Variants in RBFOX1 observed in about 807,000 individuals in gnomAD.
RBFOX1 encodes RNA binding protein fox-1 homolog 1.
In RBFOX1, 8 loss-of-function variants were observed where a neutral mutation model predicts 57.7. The ratio of observed to expected loss-of-function variants is 0.14; its 90% confidence interval spans 0.08 to 0.25. The LOEUF is 0.25. Ranked by LOEUF, RBFOX1 falls within the 10% of genes least tolerant of loss-of-function variation. The probability of loss-of-function intolerance (pLI) is 1.00; values close to 1 mark genes in which losing one functional copy is unlikely to be tolerated. For synonymous variants in RBFOX1, 326 were observed against 222.4 expected (o/e 1.47, Z -4.15); for missense variants, 611 against 548.5 (o/e 1.11, Z -1.14).
chr16:7,596,446 G>A (rs962755896), intron 8 of RBFOX1, among the ~76,000 whole-genome samples: 2 of 151,404 alleles, frequency 1.3e-5, no homozygotes, highest in Non-Finnish European at 2.9e-5. Flanking sequence ...TTTCCCCTTC[G>A]ACGATAACGC....
chr16:7,098,053 T>A (rs1187648323), intron 4 of RBFOX1, among the ~76,000 whole-genome samples: 1 of 152,202 alleles, frequency 6.6e-6, no homozygotes, highest in African/African-American at 2.4e-5. Flanking sequence ...AAAGCCAGTG[T>A]TGTCAATATG....
rs559376321 is a variant in RBFOX1, at chr16:7,711,025, A to C, written c.*280A>C. 74 of 306,984 alleles carry C rather than the reference A, an allele frequency of 2.4e-4. No individual in the cohort carries two copies. Among genetic ancestry groups the C allele is most frequent in the African/African-American group, 1.4e-3 (67 of 46,540 alleles). 19.0% of individuals were successfully genotyped at this position (306,984 alleles called of 1,614,324 possible). A position where few individuals can be genotyped will look rare whatever the true frequency, so the allele number is the denominator to read the frequency against. ...AGACAGATGCTAGATAATGAATAAA[A>C]ACTGGTTTAGGGCCATATCCAGAGT... On this transcript the variant is annotated 3_prime_UTR_variant, in exon 16 of 16. Coordinates refer to ENST00000550418, the MANE Select transcript of RBFOX1 (RefSeq NM_018723.4).
At chr16:5,813,341 C>A (rs2055503528) in intron 3 of RBFOX1, among the ~76,000 whole-genome samples, 1 of 152,154 alleles carries the variant, frequency 6.6e-6, no homozygotes, top group Admixed American at 6.5e-5. Context: ...CATTATGGTT[C>A]CAGAACTTTT....
chr16:5,519,483 G>A (rs551532005), intron 2 of RBFOX1, among the ~76,000 whole-genome samples: 1 of 152,266 alleles, frequency 6.6e-6, no homozygotes, highest in Non-Finnish European at 1.5e-5. Flanking sequence ...CAGTGCTCTG[G>A]GAAGCTGAGA....
At chr16:6,104,688 C>G (rs1053511245) in intron 1 of RBFOX1, among the ~76,000 whole-genome samples, 8 of 152,156 alleles carry the variant, frequency 5.3e-5, no homozygotes, top group African/African-American at 1.9e-4. Flanking sequence ...GTCAACAAAA[C>G]TTGCTATATT....
intron 4 of RBFOX1, among the ~76,000 whole-genome samples, chr16:7,393,024 C>A (rs191740454): frequency 1.3e-5 from 2 of 152,122 alleles, no homozygotes; most frequent in African/African-American, 4.8e-5. Context: ...CAGGCCCATG[C>A]CACCACACCT....
chr16:5,634,286 C>A (rs1049274475), intron 3 of RBFOX1, among the ~76,000 whole-genome samples: 1 of 152,196 alleles, frequency 6.6e-6, no homozygotes, highest in Non-Finnish European at 1.5e-5. Context: ...AATCATTTGA[C>A]TATTTATTTT....
At chr16:7,451,018 C>G (rs67788121) in intron 4 of RBFOX1, among the ~76,000 whole-genome samples, 59,214 of 151,972 alleles carry the variant, frequency 0.39, 12,010 homozygotes, top group Non-Finnish European at 0.45. Flanking sequence ...ACCTGGGCTT[C>G]GCTTCTGAGT....
intron 3 of RBFOX1, among the ~76,000 whole-genome samples, chr16:6,718,229 A>G (rs1418794812): frequency 1.3e-5 from 2 of 152,198 alleles, no homozygotes. Flanking sequence ...TAATGTTTAT[A>G]TATTGGTCTT....
At chr16:7,492,952 C>T (rs564945074) in intron 4 of RBFOX1, among the ~76,000 whole-genome samples, 13 of 152,142 alleles carry the variant, frequency 8.5e-5, no homozygotes, top group East Asian at 7.7e-4. Context: ...GATCTCAGCT[C>T]ACTGCAACCT....
chr16:5,899,796 C>A (rs146504282), intron 4 of RBFOX1, among the ~76,000 whole-genome samples: 8 of 152,254 alleles, frequency 5.3e-5, no homozygotes, highest in African/African-American at 1.9e-4. Flanking sequence ...TTTGATGGCC[C>A]GGCATGGTGG....
intron 2 of RBFOX1, among the ~76,000 whole-genome samples, chr16:6,442,944 A>C (rs1237640905): frequency 6.6e-6 from 1 of 152,180 alleles, no homozygotes. Context: ...ACTTAATAAA[A>C]ATGTATCTTT....
intron 1 of RBFOX1, among the ~76,000 whole-genome samples, chr16:5,345,414 T>G (rs933179508): frequency 1.3e-5 from 2 of 152,190 alleles, no homozygotes; most frequent in African/African-American, 4.8e-5. Flanking sequence ...CCCTCGTGCA[T>G]GCCCACCCAT....
intron 3 of RBFOX1, among the ~76,000 whole-genome samples, chr16:6,772,471 G>C (rs1452219466): frequency 2.6e-5 from 4 of 151,328 alleles, no homozygotes; most frequent in Non-Finnish European, 4.4e-5. Context: ...GGGTGCATTT[G>C]TATGTGTATG....
intron 4 of RBFOX1, among the ~76,000 whole-genome samples, chr16:7,325,027 AG>A (rs2143550987): frequency 6.6e-6 from 1 of 152,326 alleles, no homozygotes; most frequent in East Asian, 1.9e-4. Context: ...CTCTTCAACA[AG>A]AAGGCACTTC....
chr16:6,288,988 G>C (rs1179739972), intron 1 of RBFOX1, among the ~76,000 whole-genome samples: 1 of 152,146 alleles, frequency 6.6e-6, no homozygotes, highest in Non-Finnish European at 1.5e-5. Context: ...GGTGTGAGAA[G>C]AGTAAGCAGG....
At chr16:7,450,492 G>A (rs775199429) in intron 4 of RBFOX1, among the ~76,000 whole-genome samples, 3 of 151,306 alleles carry the variant, frequency 2.0e-5, no homozygotes, top group Admixed American at 6.6e-5. Context: ...ATGTTAACTC[G>A]TAAGGATTTG....
At chr16:6,098,015 G>A (rs570586062) in intron 1 of RBFOX1, among the ~76,000 whole-genome samples, 39 of 152,240 alleles carry the variant, frequency 2.6e-4, no homozygotes, top group Admixed American at 1.7e-3. Flanking sequence ...AAGCTCCCAC[G>A]GATGCTGGTG....
chr16:6,990,578 A>G (rs1383928140), intron 3 of RBFOX1, among the ~76,000 whole-genome samples: 1 of 152,150 alleles, frequency 6.6e-6, no homozygotes, highest in African/African-American at 2.4e-5. Flanking sequence ...ACTGTGTCCC[A>G]TAAAATATAT....
Sources: gnomAD v4.1 joint callset for allele counts (sites outside exome capture counted in the v4.1 genomes callset) on GRCh38, gnomAD v4.1.1 for gene constraint, MANE v1.5 for transcripts, NCBI Gene and HGNC (gene_info 2026-07-23, HGNC 2026-07-21) for gene names.